Variants in ATM observed in about 807,000 individuals in gnomAD.
ATM encodes the protein ATM serine/threonine kinase.
A neutral mutation model predicts 387.0 loss-of-function variants in ATM; 308 were observed. The ratio of observed to expected loss-of-function variants is 0.80; its 90% CI spans 0.73 to 0.87. ATM has a LOEUF of 0.87. Among genes scored for constraint, ATM ranks in the 40% least tolerant of loss-of-function variants. The pLI is 0.00. For missense variants in ATM, 3,312 were observed against 3,560.9 expected (o/e 0.93, Z 1.78); for synonymous variants, 1,156 against 1,187.3 (o/e 0.97, Z 0.54).
chr11:108,297,825 ACTTTT>A (rs1343491882), intron 33 of ATM, among the ~76,000 whole-genome samples: 5 of 152,158 alleles, frequency 3.3e-5, no homozygotes, highest in Non-Finnish European at 4.4e-5. Flanking sequence ...CCCCTTTTGT[ACTTTT>A]CTTCCTTAAA....
At chr11:108,285,107 G>A (rs2082424796) in intron 26 of ATM, among the ~76,000 whole-genome samples, 1 of 151,794 alleles carries the variant, frequency 6.6e-6, no homozygotes, top group African/African-American at 2.4e-5. Context: ...CTACAGCTGC[G>A]CACCACCACA....
Position 108,315,856 on chromosome 11 carries a change from G to C in ATM, c.6040G>C (p.Glu2014Gln), listed in dbSNP as rs375783941. 3 of 1,613,152 alleles carry C rather than the reference G, an allele frequency of 1.9e-6. No homozygotes were observed. The highest frequency in any genetic ancestry group is 2.5e-6 in the Non-Finnish European group (3 of 1,179,188). ...CTTAGAAATCTACAGAAGTATAGGGGAGCCAGATAGTTTGTATGGCTGTGG... is the reference window on the plus strand; with the variant it reads ...CTTAGAAATCTACAGAAGTATAGGGCAGCCAGATAGTTTGTATGGCTGTGG... ...LLLEIYRSIG[E>Q]PDSLYGCGGG... is the part of the protein sequence containing the mutation. Residue 2014 changes from glutamate (E) to glutamine (Q), a missense_variant, in exon 41 of 63, where the codon GAG (glutamate) becomes CAG (glutamine). By Grantham distance (29) the Glu-to-Gln change is conservative. Coordinates refer to ENST00000675843, the MANE Select transcript of ATM (RefSeq NM_000051.4).
At chr11:108,357,568 G>A in intron 61 of ATM, among the ~76,000 whole-genome samples, 1 of 152,198 alleles carries the variant, frequency 6.6e-6, no homozygotes, top group Non-Finnish European at 1.5e-5. Context: ...GAAGAGAGTA[G>A]TGGTTCTCCC....
At position 108,329,118 on chromosome 11, in the gene ATM, C is replaced by G. The variant is rs370559102; in HGVS notation, c.7187C>G (p.Thr2396Ser). ...CTCTCATTAGCCCGGTTTTCAGATA[C>G]TCAATACCAAAGAATTGAAAACTAC... Reference protein sequence around the residue: ...AFLSLARFSDTQYQRIENYMK... With the variant: ...AFLSLARFSDSQYQRIENYMK... The change falls in exon 49 of 63, where the codon ACT becomes AGT. Residue 2396 changes from threonine (T) to serine (S), a missense_variant. Transcript: ENST00000675843. 550 of 1,613,918 alleles carry G rather than the reference C, an allele frequency of 3.4e-4. No individual in the cohort carries two copies. The highest frequency in any genetic ancestry group is 4.3e-4 in the Admixed American group (26 of 60,004).
At chr11:108,351,722 G>T (rs2089221609) in intron 59 of ATM, among the ~76,000 whole-genome samples, 2 of 152,200 alleles carry the variant, frequency 1.3e-5, no homozygotes, top group African/African-American at 4.8e-5. Flanking sequence ...AACTTGCACA[G>T]TATCACTTCC....
chr11:108,251,332 T>TTATATA (rs2080138567), intron 10 of ATM, among the ~76,000 whole-genome samples: 1 of 152,162 alleles, frequency 6.6e-6, no homozygotes, highest in African/African-American at 2.4e-5. Flanking sequence ...TATAATAGAG[T>TTATATA]TATATATTAT....
chr11:108,357,397 T>G (rs1450903852), intron 61 of ATM, among the ~76,000 whole-genome samples: 5 of 152,186 alleles, frequency 3.3e-5, no homozygotes, highest in Non-Finnish European at 7.3e-5. Flanking sequence ...CAGGCTTGAT[T>G]AGGTAAACAA....
At chr11:108,290,886 C>T (rs963390141) in intron 29 of ATM, among the ~76,000 whole-genome samples, 1 of 150,540 alleles carries the variant, frequency 6.6e-6, no homozygotes, top group African/African-American at 2.4e-5. Context: ...GGATCTTCAA[C>T]ATTTTAATAC....
chr11:108,302,309 A>G (rs1031155815), intron 35 of ATM, among the ~76,000 whole-genome samples: 4 of 152,142 alleles, frequency 2.6e-5, no homozygotes, highest in Non-Finnish European at 4.4e-5. Context: ...CCTCTTTACT[A>G]TCTTCTTTTC....
chr11:108,292,488 C>T, intron 29 of ATM, 131 bp from the exon 30 acceptor site: 1 of 1,099,734 alleles, frequency 9.1e-7, no homozygotes, highest in Non-Finnish European at 1.3e-6. Context: ...GGCTTATAAG[C>T]CATTAAAATA....
chr11:108,292,557 T>C, intron 29 of ATM, 62 bp from the exon 30 acceptor site: 1 of 1,554,146 alleles, frequency 6.4e-7, no homozygotes, highest in Non-Finnish European at 8.9e-7. Flanking sequence ...TGAATGAATT[T>C]ATTTCAGAGT....
In ATM at chr11:108,330,261, T is replaced by C. The variant is rs1555123032; in HGVS notation, c.7355T>C (p.Leu2452Pro). ...QRELELDELALRALKEDRKRF... is the reference protein window; with the variant it reads ...QRELELDELAPRALKEDRKRF... Reference sequence around the variant, plus strand: ...GAGCTGGAGTTGGATGAATTAGCCCTGCGTGCACTGAAAGAGGATCGTAAA... The same window carrying C: ...GAGCTGGAGTTGGATGAATTAGCCCCGCGTGCACTGAAAGAGGATCGTAAA... Residue 2452 changes from leucine to proline, a missense_variant, in exon 50 of 63, where the codon CTG (leucine) becomes CCG (proline). Leu to Pro is a moderately conservative substitution (Grantham distance 98, BLOSUM62 -3). Around this residue, in one of 4 missense-constraint regions of ATM, gnomAD observed 1,405 missense variants for 1,604.4 expected, o/e 0.88. Coordinates refer to ENST00000675843, the MANE Select transcript of ATM (RefSeq NM_000051.4). 1.2e-6 allele frequency: 2 copies of C among 1,614,204 alleles called. No individual in the cohort carries two copies. Among genetic ancestry groups the C allele is most frequent in the Non-Finnish European group, 1.7e-6 (2 of 1,180,022 alleles).
In ATM at chr11:108,368,932, A is replaced by G; in HGVS notation, c.*3424A>G. 1 of 192,944 alleles carries G rather than the reference A, an allele frequency of 5.2e-6. No individual in the cohort carries two copies. Among genetic ancestry groups the G allele is most frequent in the Non-Finnish European group, 1.1e-5 (1 of 92,410 alleles). The allele number at this position is 192,944 out of a possible 1,614,324, so 12.0% of individuals were successfully genotyped here. On this transcript the variant is annotated 3_prime_UTR_variant, in exon 63 of 63. Transcript: ENST00000675843. ...AGACTAGAATAGTCTTTTAAAAAGA[A>G]AGCCAGTATATTGGTTTGAAATATA...
intron 5 of ATM, among the ~76,000 whole-genome samples, chr11:108,241,147 C>T (rs1298442336): frequency 2.0e-5 from 3 of 152,206 alleles, no homozygotes; most frequent in Non-Finnish European, 2.9e-5. Flanking sequence ...TCACTGTCTT[C>T]TGTCCCTGCA....
At chr11:108,227,538 CTCTA>C (rs2078799199) in intron 1 of ATM, 53 bp from the exon 2 acceptor site, 2 of 1,075,350 alleles carry the variant, frequency 1.9e-6, no homozygotes, top group Middle Eastern at 2.8e-4. Flanking sequence ...ACCTCTTTCT[CTCTA>C]TATATGCATA....
At chr11:108,258,429 G>A (rs1285149541) in intron 15 of ATM, among the ~76,000 whole-genome samples, 1 of 152,182 alleles carries the variant, frequency 6.6e-6, no homozygotes, top group Non-Finnish European at 1.5e-5. Context: ...TATGTGGTAT[G>A]CGTAGCGGGG....
chr11:108,271,125 T>G lies in ATM; in HGVS notation c.2900T>G (p.Leu967Arg). 6.2e-7 allele frequency: 1 copy of G among 1,614,144 alleles called. No homozygotes were observed. Among genetic ancestry groups the G allele is most frequent in the Admixed American group, 1.7e-5 (1 of 60,032 alleles). Reference protein sequence around the residue: ...EEYPLPMEDVLELLKPLSNVC... With the variant: ...EEYPLPMEDVRELLKPLSNVC... ...TACCCCTTGCCAATGGAAGATGTTC[T>G]TGAACTTCTGAAACCACTATCGTAA... is the stretch of plus-strand genomic sequence containing the variant. Residue 967 changes from leucine (L) to arginine (R), a missense_variant, in exon 19 of 63, where the codon CTT becomes CGT. By Grantham distance (102) the Leu-to-Arg change is moderately radical. Around this residue, in one of 4 missense-constraint regions of ATM, gnomAD observed 1,791 missense variants for 1,804.5 expected, o/e 0.99. Transcript: ENST00000675843.
At chr11:108,261,543 C>A (rs2080888367) in intron 16 of ATM, among the ~76,000 whole-genome samples, 1 of 152,072 alleles carries the variant, frequency 6.6e-6, no homozygotes, top group South Asian at 2.1e-4. Context: ...AAAAACAGAA[C>A]AGAAAAACTG....
intron 16 of ATM, among the ~76,000 whole-genome samples, chr11:108,260,401 T>C (rs2080792679): frequency 6.6e-6 from 1 of 152,206 alleles, no homozygotes; most frequent in Admixed American, 6.5e-5. Context: ...CAAAGACTTC[T>C]GTGGTACAGA....
Sources: gnomAD v4.1 joint callset for allele counts (sites outside exome capture counted in the v4.1 genomes callset) on GRCh38, gnomAD v4.1.1 for gene constraint, gnomAD v4.1.1 regional missense constraint, MANE v1.5 for transcripts, NCBI Gene and HGNC (gene_info 2026-07-23, HGNC 2026-07-21) for gene names.